AFG2A: variants seen among roughly 807,000 people sequenced by gnomAD.
AFG2A encodes the protein AAA ATPase AFG2A, also known as ATPase family gene 2 protein homolog A.
At chr4:123,061,083 G>T in the AFG2A span, among the ~76,000 whole-genome samples, 2 of 152,118 alleles carry the variant, frequency 1.3e-5, no homozygotes, top group Non-Finnish European at 2.9e-5. Context: ...CCATATTGCT[G>T]TCAGCATTTT....
At chr4:123,278,587 T>C in the AFG2A span, among the ~76,000 whole-genome samples, 27 of 152,270 alleles carry the variant, frequency 1.8e-4, no homozygotes, top group South Asian at 2.1e-4. Context: ...GATGTGAGCT[T>C]TTAATGCTAT....
the AFG2A span, among the ~76,000 whole-genome samples, chr4:123,032,359 A>G: frequency 6.6e-6 from 1 of 152,146 alleles, no homozygotes. Flanking sequence ...TGAAAGTGAT[A>G]TGCACTCTGT....
chr4:123,047,038 A>T, the AFG2A span, among the ~76,000 whole-genome samples: 4 of 152,174 alleles, frequency 2.6e-5, no homozygotes, highest in Non-Finnish European at 5.9e-5. Context: ...GGCTGTTGTA[A>T]ATAGTGCTAC....
chr4:123,172,528 T>C, the AFG2A span, among the ~76,000 whole-genome samples: 62 of 152,176 alleles, frequency 4.1e-4, no homozygotes, highest in Non-Finnish European at 6.8e-4. Context: ...ACTATCTTCC[T>C]ATAATCTATA....
chr4:123,129,076 C>T, the AFG2A span, among the ~76,000 whole-genome samples: 1 of 152,112 alleles, frequency 6.6e-6, no homozygotes, highest in Non-Finnish European at 1.5e-5. Context: ...TTCATATAGA[C>T]CTGTTTTCAT....
the AFG2A span, among the ~76,000 whole-genome samples, chr4:122,989,523 G>A: frequency 6.6e-6 from 1 of 152,130 alleles, no homozygotes; most frequent in Non-Finnish European, 1.5e-5. Context: ...TGGCACTGAG[G>A]TGGGCCTTGA....
At chr4:123,064,060 C>T in the AFG2A span, among the ~76,000 whole-genome samples, 1 of 152,122 alleles carries the variant, frequency 6.6e-6, no homozygotes, top group Admixed American at 6.6e-5. Context: ...TATTTTATCT[C>T]TTCTTTGCCC....
chr4:123,010,078 T>C, the AFG2A span, among the ~76,000 whole-genome samples: 1 of 152,200 alleles, frequency 6.6e-6, no homozygotes, highest in African/African-American at 2.4e-5. Flanking sequence ...GAAGCTAAAA[T>C]TGGTCTCTTT....
At chr4:123,111,921 C>T in the AFG2A span, among the ~76,000 whole-genome samples, 1 of 152,066 alleles carries the variant, frequency 6.6e-6, no homozygotes, top group Non-Finnish European at 1.5e-5. Context: ...CAGGGTTTCA[C>T]CATGTTGGCC....
chr4:123,198,617 A>G, the AFG2A span, among the ~76,000 whole-genome samples: 2 of 152,294 alleles, frequency 1.3e-5, no homozygotes, highest in South Asian at 2.1e-4. Flanking sequence ...AATTAGGACC[A>G]TTAAAAGCCA....
the AFG2A span, among the ~76,000 whole-genome samples, chr4:123,244,756 C>A: frequency 3.9e-5 from 6 of 152,174 alleles, no homozygotes; most frequent in Non-Finnish European, 2.9e-5. Context: ...GAAACATATT[C>A]TGAGCAACAT....
chr4:123,249,736 C>G, the AFG2A span, among the ~76,000 whole-genome samples: 1 of 152,222 alleles, frequency 6.6e-6, no homozygotes, highest in Non-Finnish European at 1.5e-5. Flanking sequence ...AGTCTACAAT[C>G]TGTTGGGAAA....
At chr4:123,003,630 A>C in the AFG2A span, among the ~76,000 whole-genome samples, 25 of 152,060 alleles carry the variant, frequency 1.6e-4, no homozygotes, top group Admixed American at 1.6e-3. Flanking sequence ...CATTTTCATG[A>C]TCTGCAAATG....
the AFG2A span, among the ~76,000 whole-genome samples, chr4:123,134,748 G>A: frequency 6.6e-6 from 1 of 151,992 alleles, no homozygotes; most frequent in Non-Finnish European, 1.5e-5. Context: ...TAATTAGTAA[G>A]GAGATTGACT....
the AFG2A span, among the ~76,000 whole-genome samples, chr4:123,168,876 G>A: frequency 6.6e-6 from 1 of 152,180 alleles, no homozygotes; most frequent in Non-Finnish European, 1.5e-5. Context: ...GTAGGTTATT[G>A]AGATTTAATT....
chr4:123,282,310 T>A, the AFG2A span, among the ~76,000 whole-genome samples: 1 of 152,232 alleles, frequency 6.6e-6, no homozygotes, highest in Non-Finnish European at 1.5e-5. Flanking sequence ...GCCTTTTCAC[T>A]GTCTGTAGTT....
chr4:123,007,590 G>A, the AFG2A span, among the ~76,000 whole-genome samples: 36 of 4,568 alleles, frequency 7.9e-3, no homozygotes, highest in Non-Finnish European at 0.022. Flanking sequence ...GTGTGTGTGT[G>A]TGTGTGTGTG....
the AFG2A span, among the ~76,000 whole-genome samples, chr4:123,298,344 T>C: frequency 6.6e-6 from 1 of 152,188 alleles, no homozygotes; most frequent in Non-Finnish European, 1.5e-5. Context: ...ACAAAAACTC[T>C]CTTCATCGAG....
the AFG2A span, among the ~76,000 whole-genome samples, chr4:123,149,269 A>G: frequency 6.6e-6 from 1 of 152,192 alleles, no homozygotes; most frequent in Admixed American, 6.5e-5. Context: ...CCTGGGAGAA[A>G]GGATAAAACC....
Sources: allele counts gnomAD v4.1 joint callset (sites outside exome capture counted in the v4.1 genomes callset), GRCh38; gene constraint gnomAD v4.1.1; transcripts MANE v1.5; gene names NCBI Gene and HGNC (gene_info 2026-07-23, HGNC 2026-07-21).